The following FMN2 variants were observed in gnomAD, a reference collection of about 807,000 sequenced individuals.
The protein encoded by FMN2 is formin 2.
FMN2 carries 51 observed loss-of-function variants against 142.3 expected under a neutral mutation model. The observed-to-expected ratio is 0.36, with a 90% CI of 0.29 to 0.45. The LOEUF is 0.45. FMN2 is among the 20% of genes least tolerant of loss of function. The pLI is 1.00. For missense variants in FMN2, 1,936 were observed against 2,122.8 expected, an observed-to-expected ratio of 0.91 and a Z score of 1.73; for synonymous variants, 882 against 869.8, an observed-to-expected ratio of 1.01 and a Z score of -0.25.
intron 15 of FMN2, among the ~76,000 whole-genome samples, chr1:240,406,464 A>G (rs1046241629): frequency 3.9e-5 from 6 of 152,296 alleles, no homozygotes; most frequent in South Asian, 4.1e-4. Flanking sequence ...GCTCTGAGAA[A>G]CAACGCTGGC....
chr1:240,309,961 C>T (rs72766255), intron 8 of FMN2, among the ~76,000 whole-genome samples: 22,985 of 152,032 alleles, frequency 0.15, 2,330 homozygotes, highest in African/African-American at 0.29. Context: ...GTGACATGCA[C>T]GGGCTTAGAC....
At chr1:240,172,869 TTTTA>T (rs1664763663) in intron 2 of FMN2, among the ~76,000 whole-genome samples, 1 of 152,172 alleles carries the variant, frequency 6.6e-6, no homozygotes, top group Admixed American at 6.5e-5. Context: ...CAGCCATCTC[TTTTA>T]TTTATTTTTA....
At chr1:240,219,506 G>A (rs1387773491) in intron 6 of FMN2, among the ~76,000 whole-genome samples, 1 of 152,060 alleles carries the variant, frequency 6.6e-6, no homozygotes, top group Non-Finnish European at 1.5e-5. Flanking sequence ...CCTGTTATTT[G>A]AGGGCATAAG....
intron 16 of FMN2, among the ~76,000 whole-genome samples, chr1:240,462,808 G>A (rs935997196): frequency 2.0e-5 from 3 of 152,110 alleles, no homozygotes; most frequent in East Asian, 1.9e-4. Flanking sequence ...AATCTGGGGG[G>A]GAAAGAAGTA....
intron 4 of FMN2, among the ~76,000 whole-genome samples, chr1:240,195,769 G>C (rs1665887856): frequency 6.6e-6 from 1 of 152,162 alleles, no homozygotes; most frequent in South Asian, 2.1e-4. Flanking sequence ...TGAAATTCTA[G>C]CACTTTGGGA....
At chr1:240,148,341 AAGAG>A (rs1392703545) in intron 2 of FMN2, among the ~76,000 whole-genome samples, 2 of 121,068 alleles carry the variant, frequency 1.7e-5, no homozygotes, top group African/African-American at 5.6e-5. Context: ...CAGACAGATA[AAGAG>A]AGAAAGACAG....
intron 8 of FMN2, among the ~76,000 whole-genome samples, chr1:240,311,200 G>C (rs1329797765): frequency 6.6e-6 from 1 of 152,146 alleles, no homozygotes; most frequent in African/African-American, 2.4e-5. Flanking sequence ...GATTACTAGG[G>C]TAGTAGTTGA....
chr1:240,361,163 A>G (rs1327638185), intron 14 of FMN2, among the ~76,000 whole-genome samples: 1 of 35,760 alleles, frequency 2.8e-5, no homozygotes, highest in African/African-American at 2.1e-4. Context: ...ATATATATAT[A>G]TATATATATA....
At position 240,456,396 on chromosome 1, in the gene FMN2, C is replaced by G. The variant is rs149111220; in HGVS notation, c.5061-15976C>G. Among the ~76,000 whole-genome samples, 28 of 152,290 alleles carry G rather than the reference C, an allele frequency of 1.8e-4. No homozygotes were observed. In the East Asian group the frequency reaches 4.6e-3, roughly 25 times the overall value. ...CATTGATTCCATGCTATGTCAGACC[C>G]TTTTGATAGTGTTATGCTCCATATT... On this transcript the variant is annotated intron_variant, in intron 16 of 17. Transcript: ENST00000319653.
intron 4 of FMN2, among the ~76,000 whole-genome samples, chr1:240,198,347 C>T (rs1045156229): frequency 3.3e-5 from 5 of 152,164 alleles, no homozygotes; most frequent in Non-Finnish European, 5.9e-5. Context: ...ACCTTCCCAT[C>T]GTATCAGCTC....
At chr1:240,276,380 G>A (rs1435982463) in intron 7 of FMN2, among the ~76,000 whole-genome samples, 9 of 152,168 alleles carry the variant, frequency 5.9e-5, no homozygotes, top group African/African-American at 2.2e-4. Context: ...GCGTGGTTAA[G>A]AATGTGTGTT....
rs973142541 is a variant in FMN2 at position 240,093,458 on chromosome 1, C to G, written c.1349C>G (p.Ser450Cys). The G allele has an allele frequency of 1.9e-6, 3 of 1,613,402 alleles. No individual in the cohort carries two copies. The highest frequency in any genetic ancestry group is 2.5e-6 in the Non-Finnish European group (3 of 1,179,754). ...AGGATCAAGAGGCGGCCGGAACCCTCCCTGAGCCGAGGGTCCAGAACTGCC... is the reference window on the plus strand; with the variant it reads ...AGGATCAAGAGGCGGCCGGAACCCTGCCTGAGCCGAGGGTCCAGAACTGCC... ...SPRIKRRPEPSLSRGSRTALA... is the reference protein window; with the variant it reads ...SPRIKRRPEPCLSRGSRTALA... The change falls in exon 1 of 18, where the codon TCC becomes TGC. Residue 450 changes from serine to cysteine, a missense_variant. Transcript: ENST00000319653.
At chr1:240,383,276 A>G (rs1462942113) in intron 14 of FMN2, among the ~76,000 whole-genome samples, 1 of 152,226 alleles carries the variant, frequency 6.6e-6, no homozygotes, top group Non-Finnish European at 1.5e-5. Context: ...ACTTAGTTAA[A>G]TGAAAACGCT....
intron 13 of FMN2, 102 bp downstream of exon 13, chr1:240,334,331 A>G: frequency 1.5e-6 from 2 of 1,327,322 alleles, no homozygotes; most frequent in Non-Finnish European, 2.0e-6. Flanking sequence ...TTTTATCTTT[A>G]TAGAACTAAA....
intron 7 of FMN2, among the ~76,000 whole-genome samples, chr1:240,275,919 C>T (rs977061982): frequency 9.9e-5 from 15 of 152,134 alleles, no homozygotes; most frequent in Non-Finnish European, 2.2e-4. Context: ...ATATCCTTTG[C>T]CCACTTTTTG....
At chr1:240,378,202 G>A (rs1183430147) in intron 14 of FMN2, among the ~76,000 whole-genome samples, 4 of 151,852 alleles carry the variant, frequency 2.6e-5, no homozygotes, top group South Asian at 2.1e-4. Flanking sequence ...CCAGGCTAGA[G>A]TACAATGGCA....
chr1:240,381,426 T>C (rs1001468656), intron 14 of FMN2, among the ~76,000 whole-genome samples: 1 of 152,092 alleles, frequency 6.6e-6, no homozygotes, highest in Non-Finnish European at 1.5e-5. Flanking sequence ...AAAAACCATA[T>C]GATCATCCTT....
intron 1 of FMN2, among the ~76,000 whole-genome samples, chr1:240,095,009 T>G (rs1252964517): frequency 6.6e-6 from 1 of 152,168 alleles, no homozygotes; most frequent in Admixed American, 6.5e-5. Flanking sequence ...ATTTTTCTTC[T>G]TTTCCACCTT....
intron 15 of FMN2, among the ~76,000 whole-genome samples, chr1:240,400,066 C>T (rs772278982): frequency 3.3e-5 from 5 of 152,070 alleles, no homozygotes; most frequent in Non-Finnish European, 5.9e-5. Flanking sequence ...AGAGGGCGTT[C>T]GCAGCTCCAT....
Sources: gnomAD v4.1 joint callset for allele counts (sites outside exome capture counted in the v4.1 genomes callset) on GRCh38, gnomAD v4.1.1 for gene constraint, MANE v1.5 for transcripts, NCBI Gene and HGNC (gene_info 2026-07-23, HGNC 2026-07-21) for gene names.